The following LHFPL3 variants were observed in gnomAD, a reference collection of about 807,000 sequenced individuals.
The protein encoded by LHFPL3 is LHFPL tetraspan subfamily member 3.
In LHFPL3, 5 loss-of-function variants were observed where a neutral mutation model predicts 19.3. The observed-to-expected ratio is 0.26, with a 90% CI of 0.14 to 0.54. The LOEUF (loss-of-function observed/expected upper bound fraction) is 0.54, where lower values mean the gene tolerates loss of function less well. Ranked by LOEUF, LHFPL3 falls within the 20% of genes least tolerant of loss-of-function variation. The probability of loss-of-function intolerance (pLI) is 0.94; values close to 1 mark genes in which losing one functional copy is unlikely to be tolerated. For synonymous variants in LHFPL3, 133 were observed against 126.2 expected, an observed-to-expected ratio of 1.05 and a Z score of -0.36; for missense variants, 249 against 307.4, an observed-to-expected ratio of 0.81 and a Z score of 1.42.
rs1178399997 is a variant in LHFPL3, at chr7:104,427,968, A to G, written c.445+98744A>G. ...TATGAAAGCTGAGATTACATAGCAT[A>G]TGCCAGAGGAGAACTTCTCTAATTA... On this transcript the variant is annotated intron_variant, in intron 1 of 2. Transcript: ENST00000424859. 6.6e-4 allele frequency among the ~76,000 whole-genome samples: 101 copies of G among 152,224 alleles called. 2 individuals are homozygous for G. The highest frequency in any genetic ancestry group is 2.6e-4 in the Non-Finnish European group (18 of 68,038).
intron 1 of LHFPL3, among the ~76,000 whole-genome samples, chr7:104,365,787 CAAAAA>C (rs571171040): frequency 6.0e-5 from 3 of 49,970 alleles, no homozygotes; most frequent in African/African-American, 1.6e-4. Flanking sequence ...GACTCCGTCT[CAAAAA>C]AAAAAAAAAA....
intron 1 of LHFPL3, among the ~76,000 whole-genome samples, chr7:104,588,431 G>A (rs1423415199): frequency 1.3e-5 from 2 of 152,094 alleles, no homozygotes; most frequent in African/African-American, 4.8e-5. Flanking sequence ...GGTTGTAGAT[G>A]TGTGGTATTA....
At chr7:104,552,097 G>A (rs1200867632) in intron 1 of LHFPL3, among the ~76,000 whole-genome samples, 1 of 152,136 alleles carries the variant, frequency 6.6e-6, no homozygotes, top group East Asian at 1.9e-4. Flanking sequence ...ATCTCCCTGT[G>A]CCTTGATTTC....
intron 2 of LHFPL3, among the ~76,000 whole-genome samples, chr7:104,742,966 A>C (rs1340461096): frequency 6.6e-6 from 1 of 151,938 alleles, no homozygotes; most frequent in Non-Finnish European, 1.5e-5. Flanking sequence ...AAAATACAAA[A>C]AAAAATTAGC....
intron 1 of LHFPL3, among the ~76,000 whole-genome samples, chr7:104,396,788 C>T (rs1398580563): frequency 6.6e-6 from 1 of 151,906 alleles, no homozygotes; most frequent in Non-Finnish European, 1.5e-5. Context: ...AAAATCCTGC[C>T]TCTACCAAAA....
At chr7:104,370,820 T>C (rs1790600027) in intron 1 of LHFPL3, among the ~76,000 whole-genome samples, 1 of 152,210 alleles carries the variant, frequency 6.6e-6, no homozygotes. Context: ...AGGCGGAGGT[T>C]GCAGTGAGCT....
chr7:104,864,133 G>T (rs1460446269), intron 2 of LHFPL3, among the ~76,000 whole-genome samples: 1 of 152,186 alleles, frequency 6.6e-6, no homozygotes, highest in African/African-American at 2.4e-5. Flanking sequence ...TTCTGTACAA[G>T]GGAGCCAAGA....
At chr7:104,701,416 T>C (rs964003144) in intron 1 of LHFPL3, among the ~76,000 whole-genome samples, 6 of 152,248 alleles carry the variant, frequency 3.9e-5, no homozygotes, top group Non-Finnish European at 8.8e-5. Flanking sequence ...ACATATTTTG[T>C]ATGCTATATG....
chr7:104,891,717 A>G (rs1050222355), intron 2 of LHFPL3, among the ~76,000 whole-genome samples: 2 of 152,254 alleles, frequency 1.3e-5, no homozygotes, highest in African/African-American at 4.8e-5. Flanking sequence ...TGGAAGAAGA[A>G]TGTCCTATTA....
At chr7:104,502,369 G>T (rs903716810) in intron 1 of LHFPL3, among the ~76,000 whole-genome samples, 1 of 151,300 alleles carries the variant, frequency 6.6e-6, no homozygotes, top group African/African-American at 2.4e-5. Context: ...TAAGAACTGT[G>T]CTTCAGTTTA....
intron 1 of LHFPL3, among the ~76,000 whole-genome samples, chr7:104,417,741 A>C (rs532484713): frequency 1.3e-5 from 2 of 150,950 alleles, no homozygotes; most frequent in East Asian, 3.9e-4. Flanking sequence ...CACTGTACTT[A>C]AGACATAACT....
At position 104,825,493 on chromosome 7, in the gene LHFPL3, T is replaced by C. The variant is rs117533877; in HGVS notation, c.683-80694T>C. The stretch of plus-strand genomic sequence containing the variant: ...AGCCTCCATTTCCTGATCTATAAAA[T>C]TGGTGTAATAAAACCTGTCATTCAG... On this transcript the variant is annotated intron_variant, in intron 2 of 2. Transcript: ENST00000424859. Among the ~76,000 whole-genome samples, 1,316 of 151,974 alleles carry C rather than the reference T, an allele frequency of 8.7e-3. 10 individuals carry two copies. The highest frequency in any genetic ancestry group is 0.015 in the Non-Finnish European group (1,037 of 67,992).
intron 1 of LHFPL3, chr7:104,668,968 G>T: frequency 1.2e-6 from 2 of 1,612,386 alleles, no homozygotes; most frequent in Non-Finnish European, 1.7e-6. Flanking sequence ...CTGGCAAAGT[G>T]AAGAAACTCA....
Position 104,543,452 on chromosome 7 carries a change from GAC to G in LHFPL3, c.446-193219_446-193218del, listed in dbSNP as rs553762223. Among the ~76,000 whole-genome samples the G allele has an allele frequency of 1.6e-4, 25 of 151,988 alleles. 1 individual carries two copies. In the South Asian group the frequency reaches 5.2e-3, roughly 32 times the overall value. On this transcript the variant is annotated intron_variant, in intron 1 of 2. Coordinates refer to ENST00000424859, the MANE Select transcript of LHFPL3 (RefSeq NM_199000.3). ...GGATTATAAATCATGCTGCTATAAA[GAC>G]ACATGCACACGTATATTTACTGCGA...
chr7:104,336,311 A>C (rs1291050760), intron 1 of LHFPL3, among the ~76,000 whole-genome samples: 1 of 152,190 alleles, frequency 6.6e-6, no homozygotes, highest in Non-Finnish European at 1.5e-5. Flanking sequence ...TCACTGAGGC[A>C]TTTGAAAAAT....
At chr7:104,741,180 C>A (rs138224907) in intron 2 of LHFPL3, among the ~76,000 whole-genome samples, 23 of 152,296 alleles carry the variant, frequency 1.5e-4, no homozygotes, top group Non-Finnish European at 3.2e-4. Flanking sequence ...CCCCAATCCT[C>A]TTTTCAGTGT....
chr7:104,603,134 T>TCC (rs1791016304), intron 1 of LHFPL3, among the ~76,000 whole-genome samples: 3 of 90,162 alleles, frequency 3.3e-5, no homozygotes, highest in African/African-American at 1.5e-4. Context: ...TTCTTTCTTT[T>TCC]TTCCCTTCCT....
At chr7:104,522,737 A>G (rs1562924787) in intron 1 of LHFPL3, among the ~76,000 whole-genome samples, 1 of 152,076 alleles carries the variant, frequency 6.6e-6, no homozygotes, top group East Asian at 1.9e-4. Flanking sequence ...TGTAAAGAGG[A>G]TTTTATTTGA....
intron 2 of LHFPL3, among the ~76,000 whole-genome samples, chr7:104,863,891 A>G (rs1422098799): frequency 6.6e-6 from 1 of 152,260 alleles, no homozygotes; most frequent in African/African-American, 2.4e-5. Context: ...AGGCTAAGGC[A>G]GGCAGCCCTG....
Sources: gnomAD v4.1 joint callset for allele counts (sites outside exome capture counted in the v4.1 genomes callset) on GRCh38, gnomAD v4.1.1 for gene constraint, MANE v1.5 for transcripts, NCBI Gene and HGNC (gene_info 2026-07-23, HGNC 2026-07-21) for gene names.